SLC30A9: variants seen among roughly 807,000 people sequenced by gnomAD.
The protein encoded by SLC30A9 is proton-coupled zinc antiporter SLC30A9, mitochondrial.
SLC30A9 carries 58 observed loss-of-function variants against 87.5 expected under a neutral mutation model. The ratio of observed to expected loss-of-function variants is 0.66; its 90% CI spans 0.54 to 0.82. SLC30A9 has a LOEUF of 0.82. Ranked by LOEUF, SLC30A9 falls within the 40% of genes least tolerant of loss-of-function variation. The pLI, the probability that SLC30A9 is intolerant of heterozygous loss-of-function variation, is 0.00. For synonymous variants in SLC30A9, 234 were observed against 233.0 expected (o/e 1.00, Z -0.04); for missense variants, 557 against 679.1 (o/e 0.82, Z 2.00).
chr4:42,019,936 G>A (rs1715877303), intron 3 of SLC30A9, among the ~76,000 whole-genome samples: 1 of 151,968 alleles, frequency 6.6e-6, no homozygotes, highest in Non-Finnish European at 1.5e-5. Flanking sequence ...TGGGATTACA[G>A]GCACCCACCA....
At chr4:42,035,195 C>T in intron 6 of SLC30A9, 80 bp from the exon 7 acceptor site, 18 of 1,406,800 alleles carry the variant, frequency 1.3e-5, no homozygotes, top group Non-Finnish European at 1.8e-5. Context: ...TTAACATAGT[C>T]CTGAAGAGAA....
At chr4:42,063,164 T>TA in intron 11 of SLC30A9, 43 bp downstream of exon 11, 1 of 1,589,178 alleles carries the variant, frequency 6.3e-7, no homozygotes, top group South Asian at 1.1e-5. Flanking sequence ...TCTTATGACA[T>TA]AGTGATTGTG....
intron 1 of SLC30A9, among the ~76,000 whole-genome samples, chr4:41,994,982 G>T (rs1714633994): frequency 6.6e-6 from 1 of 152,152 alleles, no homozygotes; most frequent in Non-Finnish European, 1.5e-5. Context: ...TTAGGGCTGG[G>T]TGTGGTGGCT....
At chr4:42,039,459 G>T (rs563042615) in intron 8 of SLC30A9, among the ~76,000 whole-genome samples, 1 of 149,978 alleles carries the variant, frequency 6.7e-6, no homozygotes, top group Non-Finnish European at 1.5e-5. Flanking sequence ...TGTTATTTTT[G>T]CCTCCTCTTT....
intron 9 of SLC30A9, among the ~76,000 whole-genome samples, chr4:42,056,533 A>G (rs1377860511): frequency 2.0e-5 from 3 of 152,160 alleles, no homozygotes; most frequent in Admixed American, 6.5e-5. Flanking sequence ...TCCATGATTC[A>G]GTTACCTCCC....
At chr4:42,078,148 G>T in intron 16 of SLC30A9, 64 bp from the exon 17 acceptor site, 2 of 714,280 alleles carry the variant, frequency 2.8e-6, no homozygotes, top group South Asian at 3.8e-5. Flanking sequence ...TTTTTTTAAG[G>T]AGTCATAAGT....
At chr4:42,047,484 A>G (rs949059108) in intron 8 of SLC30A9, among the ~76,000 whole-genome samples, 2 of 152,262 alleles carry the variant, frequency 1.3e-5, no homozygotes, top group Non-Finnish European at 2.9e-5. Context: ...AAAAAAGCTC[A>G]TCATCACTGG....
chr4:42,085,589 G>A (rs1028708638), intron 17 of SLC30A9, among the ~76,000 whole-genome samples: 2 of 152,122 alleles, frequency 1.3e-5, no homozygotes, highest in African/African-American at 4.8e-5. Flanking sequence ...GATGATTACT[G>A]CTATGCTGGT....
intron 14 of SLC30A9, among the ~76,000 whole-genome samples, chr4:42,068,118 T>G (rs976480915): frequency 6.6e-6 from 1 of 152,238 alleles, no homozygotes; most frequent in Admixed American, 6.5e-5. Flanking sequence ...TTTTACATAG[T>G]TTTTATTAAT....
At chr4:42,030,946 T>G (rs573537003) in intron 6 of SLC30A9, among the ~76,000 whole-genome samples, 1 of 152,310 alleles carries the variant, frequency 6.6e-6, no homozygotes, top group African/African-American at 2.4e-5. Flanking sequence ...TTTTCCTTTC[T>G]GGGGGCATCA....
intron 1 of SLC30A9, among the ~76,000 whole-genome samples, 191 bp from the exon 2 acceptor site, chr4:42,001,422 TTTA>T (rs2153132907): frequency 6.6e-6 from 1 of 152,180 alleles, no homozygotes; most frequent in East Asian, 1.9e-4. Flanking sequence ...TATTTGATTT[TTTA>T]TATTTTTAAA....
chr4:42,063,461 T>C (rs1717945528), intron 11 of SLC30A9, among the ~76,000 whole-genome samples: 1 of 152,232 alleles, frequency 6.6e-6, no homozygotes. Flanking sequence ...CTCATTTCAG[T>C]AATTAAAATA....
At chr4:42,061,078 A>G (rs1177636554) in intron 10 of SLC30A9, among the ~76,000 whole-genome samples, 1 of 152,056 alleles carries the variant, frequency 6.6e-6, no homozygotes, top group Non-Finnish European at 1.5e-5. Flanking sequence ...GGCCAGTTTT[A>G]TGTACAAAAG....
chr4:42,030,754 C>T (rs1287109051), intron 6 of SLC30A9, among the ~76,000 whole-genome samples: 1 of 152,062 alleles, frequency 6.6e-6, no homozygotes, highest in Non-Finnish European at 1.5e-5. Context: ...TTTTAAGTGA[C>T]ACTACAGAAA....
At chr4:41,998,552 C>T (rs1714837056) in intron 1 of SLC30A9, among the ~76,000 whole-genome samples, 1 of 151,970 alleles carries the variant, frequency 6.6e-6, no homozygotes, top group Non-Finnish European at 1.5e-5. Context: ...CAACCTCCGC[C>T]TCCCGGGTTC....
At chr4:42,046,492 G>A (rs1478497569) in intron 8 of SLC30A9, among the ~76,000 whole-genome samples, 1 of 152,122 alleles carries the variant, frequency 6.6e-6, no homozygotes, top group Non-Finnish European at 1.5e-5. Context: ...TTGCTACAAA[G>A]AGAATAAAAT....
intron 9 of SLC30A9, among the ~76,000 whole-genome samples, chr4:42,054,397 A>G (rs951219981): frequency 2.0e-5 from 3 of 152,026 alleles, no homozygotes; most frequent in Admixed American, 2.0e-4. Flanking sequence ...GGATTTGTGC[A>G]TTTCATTGTA....
intron 2 of SLC30A9, among the ~76,000 whole-genome samples, chr4:42,016,172 G>A (rs1233518359): frequency 6.6e-6 from 1 of 152,110 alleles, no homozygotes; most frequent in Non-Finnish European, 1.5e-5. Flanking sequence ...AATTTGTAAA[G>A]TGCATAGGAC....
At chr4:41,993,503 A>G (rs1440260401) in intron 1 of SLC30A9, among the ~76,000 whole-genome samples, 1 of 152,212 alleles carries the variant, frequency 6.6e-6, no homozygotes, top group Non-Finnish European at 1.5e-5. Flanking sequence ...TCAAGTGGCC[A>G]ATAAAAATGC....
Sources: allele counts gnomAD v4.1 joint callset (sites outside exome capture counted in the v4.1 genomes callset), GRCh38; gene constraint gnomAD v4.1.1; transcripts MANE v1.5; gene names NCBI Gene and HGNC (gene_info 2026-07-23, HGNC 2026-07-21).